The following CNTNAP2 variants were observed in gnomAD, a reference collection of about 807,000 sequenced individuals.
The protein encoded by CNTNAP2 is contactin-associated protein-like 2.
In CNTNAP2, 98 loss-of-function variants were observed where a neutral mutation model predicts 155.2. The observed-to-expected ratio is 0.63, with a 90% confidence interval of 0.54 to 0.75. The LOEUF is 0.75. Ranked by LOEUF, CNTNAP2 falls within the 30% of genes least tolerant of loss-of-function variation. The probability of loss-of-function intolerance (pLI) is 0.00; values close to 1 mark genes in which losing one functional copy is unlikely to be tolerated. For synonymous variants in CNTNAP2, 651 were observed against 631.2 expected (o/e 1.03, Z -0.47); for missense variants, 1,727 against 1,688.1 (o/e 1.02, Z -0.40).
chr7:146,735,721 G>GCATATATATACATATGCATATATA (rs1563209925), intron 1 of CNTNAP2, among the ~76,000 whole-genome samples: 3 of 151,996 alleles, frequency 2.0e-5, no homozygotes, highest in Admixed American at 6.6e-5. Context: ...ATATATATGT[G>GCATATATATACATATGCATATATA]TAGAGAATAG....
intron 1 of CNTNAP2, among the ~76,000 whole-genome samples, chr7:146,331,086 C>T (rs1288159723): frequency 6.6e-6 from 1 of 151,892 alleles, no homozygotes; most frequent in African/African-American, 2.4e-5. Context: ...GGGCGGATCA[C>T]GAGGTCAGGA....
At chr7:146,380,351 T>C (rs1393523575) in intron 1 of CNTNAP2, among the ~76,000 whole-genome samples, 3 of 152,172 alleles carry the variant, frequency 2.0e-5, no homozygotes, top group African/African-American at 7.2e-5. Flanking sequence ...AGGACTTCAA[T>C]AAAAATGTGG....
chr7:148,413,401 A>AAAAAAAATAT (rs1442990213), intron 23 of CNTNAP2, among the ~76,000 whole-genome samples: 18 of 45,360 alleles, frequency 4.0e-4, no homozygotes, highest in African/African-American at 2.0e-3. Flanking sequence ...TCAAAAAAAA[A>AAAAAAAATAT]ATATATATAT....
chr7:146,320,033 A>T (rs145032589), intron 1 of CNTNAP2, among the ~76,000 whole-genome samples: 4,561 of 150,822 alleles, frequency 0.03, 100 homozygotes, highest in African/African-American at 0.066. Context: ...AATAATTAAA[A>T]CTCCATTAAT....
At chr7:146,380,866 C>T (rs1310947466) in intron 1 of CNTNAP2, among the ~76,000 whole-genome samples, 4 of 123,918 alleles carry the variant, frequency 3.2e-5, no homozygotes, top group Admixed American at 2.1e-4. Flanking sequence ...GGCGCAATCT[C>T]GGCTCACTGC....
At chr7:146,452,944 G>A (rs73462711) in intron 1 of CNTNAP2, among the ~76,000 whole-genome samples, 1 of 152,278 alleles carries the variant, frequency 6.6e-6, no homozygotes, top group African/African-American at 2.4e-5. Flanking sequence ...TCTTTGACAG[G>A]TTGGAAACAA....
chr7:148,032,428 A>C (rs2116464294), intron 15 of CNTNAP2, among the ~76,000 whole-genome samples: 1 of 152,288 alleles, frequency 6.6e-6, no homozygotes, highest in African/African-American at 2.4e-5. Context: ...AGAGACAGAG[A>C]GGGTAGGAGT....
chr7:146,796,127 A>C (rs2129190286), intron 2 of CNTNAP2, among the ~76,000 whole-genome samples: 1 of 152,330 alleles, frequency 6.6e-6, no homozygotes, highest in African/African-American at 2.4e-5. Flanking sequence ...ATATGATAAA[A>C]CCAGAAAGAA....
At chr7:148,025,356 G>A (rs934668257) in intron 15 of CNTNAP2, among the ~76,000 whole-genome samples, 13 of 152,174 alleles carry the variant, frequency 8.5e-5, no homozygotes, top group Non-Finnish European at 1.9e-4. Context: ...CTGACTCAGT[G>A]CACAAAGACC....
intron 10 of CNTNAP2, among the ~76,000 whole-genome samples, chr7:147,401,178 G>A (rs1303123570): frequency 6.6e-6 from 1 of 152,062 alleles, no homozygotes; most frequent in African/African-American, 2.4e-5. Context: ...GCTCTTTCCT[G>A]TCTAACTCCA....
At chr7:147,464,688 A>G (rs1047168262) in intron 10 of CNTNAP2, among the ~76,000 whole-genome samples, 3 of 152,208 alleles carry the variant, frequency 2.0e-5, no homozygotes, top group South Asian at 2.1e-4. Context: ...TGAACCCAGG[A>G]GAAGTGAACA....
At chr7:147,504,548 G>A (rs1467744190) in intron 11 of CNTNAP2, among the ~76,000 whole-genome samples, 1 of 151,712 alleles carries the variant, frequency 6.6e-6, no homozygotes, top group Non-Finnish European at 1.5e-5. Context: ...AATTAGCTGG[G>A]CGTGGTGTTA....
At chr7:146,919,951 C>T (rs1367389152) in intron 3 of CNTNAP2, among the ~76,000 whole-genome samples, 1 of 152,172 alleles carries the variant, frequency 6.6e-6, no homozygotes, top group African/African-American at 2.4e-5. Flanking sequence ...TTGGTCCTTC[C>T]TCCTATCTGC....
intron 1 of CNTNAP2, among the ~76,000 whole-genome samples, chr7:146,381,926 C>A (rs1301437966): frequency 6.6e-6 from 1 of 152,168 alleles, no homozygotes; most frequent in African/African-American, 2.4e-5. Flanking sequence ...AGCGTTTATC[C>A]ATGAGCTCTC....
chr7:147,925,116 CAGAAAGAG>C (rs1800362108), intron 14 of CNTNAP2, among the ~76,000 whole-genome samples: 1 of 110,214 alleles, frequency 9.1e-6, no homozygotes, highest in Admixed American at 1.1e-4. Context: ...GAGACTCCAT[CAGAAAGAG>C]AGAAAGAGAG....
At chr7:147,635,239 C>T (rs763489161) in intron 12 of CNTNAP2, among the ~76,000 whole-genome samples, 35 of 145,758 alleles carry the variant, frequency 2.4e-4, no homozygotes, top group Non-Finnish European at 4.3e-4. Flanking sequence ...TCTGTTTTTC[C>T]GCCACTAGAA....
intron 21 of CNTNAP2, among the ~76,000 whole-genome samples, chr7:148,317,941 A>G (rs574480295): frequency 2.9e-4 from 44 of 151,870 alleles, no homozygotes; most frequent in Admixed American, 5.9e-4. Flanking sequence ...TCGGCCTCCC[A>G]AAGTGCTGGG....
intron 3 of CNTNAP2, among the ~76,000 whole-genome samples, chr7:146,886,573 A>T (rs998159678): frequency 6.6e-6 from 1 of 151,948 alleles, no homozygotes; most frequent in African/African-American, 2.4e-5. Context: ...TCTTAATCTA[A>T]TATTCTACCA....
chr7:148,212,081 G>A (rs1445261306), intron 18 of CNTNAP2, among the ~76,000 whole-genome samples: 2 of 151,874 alleles, frequency 1.3e-5, no homozygotes, highest in African/African-American at 2.4e-5. Flanking sequence ...AAGATGAAGA[G>A]CAATTGAATA....
Sources: allele counts gnomAD v4.1 joint callset (sites outside exome capture counted in the v4.1 genomes callset), GRCh38; gene constraint gnomAD v4.1.1; transcripts MANE v1.5; gene names NCBI Gene and HGNC (gene_info 2026-07-23, HGNC 2026-07-21).